Variants in MRPL13 observed in about 807,000 individuals in gnomAD.
MRPL13 encodes the protein large ribosomal subunit protein uL13m.
MRPL13 carries 33 observed loss-of-function variants against 29.0 expected under a neutral mutation model. The ratio of observed to expected loss-of-function variants is 1.14; its 90% confidence interval spans 0.86 to 1.52. MRPL13 has a LOEUF of 1.52. MRPL13 is among the 40% of genes most tolerant of loss of function. MRPL13 has a pLI of 0.00. For missense variants in MRPL13, 227 were observed against 216.7 expected, an observed-to-expected ratio of 1.05 and a Z score of -0.30; for synonymous variants, 77 against 68.4, an observed-to-expected ratio of 1.13 and a Z score of -0.62.
intron 2 of MRPL13, among the ~76,000 whole-genome samples, chr8:120,435,108 TC>T (rs1369451751): frequency 6.6e-6 from 1 of 152,146 alleles, no homozygotes; most frequent in Non-Finnish European, 1.5e-5. Context: ...ATAATCCTTT[TC>T]CATTGATGAA....
rs1411063403 is a variant in MRPL13, at chr8:120,419,837, T to C, written c.393+15A>G. On this transcript the variant is annotated intron_variant, in intron 5 of 6. Transcript: ENST00000306185. ...AATTTTGGAAAAGCATTGTTACCAATGACCACTGACTTACCTCATCTGGAA... is the reference window on the plus strand; with the variant it reads ...AATTTTGGAAAAGCATTGTTACCAACGACCACTGACTTACCTCATCTGGAA... 1 of 1,567,928 alleles carries C rather than the reference T, an allele frequency of 6.4e-7. No homozygotes were observed. The highest frequency in any genetic ancestry group is 1.2e-5 in the South Asian group (1 of 81,632).
intron 3 of MRPL13, among the ~76,000 whole-genome samples, chr8:120,430,360 G>C (rs1197418042): frequency 6.6e-6 from 1 of 152,156 alleles, no homozygotes; most frequent in Admixed American, 6.5e-5. Context: ...ATGGGATCAG[G>C]AGTGAATTTT....
rs1812773911 is a variant in MRPL13 at position 120,414,085 on chromosome 8, A to C, written c.421T>G (p.Leu141Val). 6.3e-7 allele frequency: 1 copy of C among 1,589,090 alleles called. No homozygotes were observed. The highest frequency in any genetic ancestry group is 1.2e-5 in the South Asian group (1 of 84,662). The change falls in exon 6 of 7, where the codon TTA (leucine) becomes GTA (valine). Residue 141 changes from leucine to valine, a missense_variant. Physicochemically the swap from Leu to Val is conservative, Grantham distance 32. Coordinates refer to ENST00000306185, the MANE Select transcript of MRPL13 (RefSeq NM_014078.6). Reference sequence around the variant, plus strand: ...CGTGGTTGAGGAAGCTCCTCTACTAAATTCTTAAGAATATCTTCTGGAATA... The same window carrying C: ...CGTGGTTGAGGAAGCTCCTCTACTACATTCTTAAGAATATCTTCTGGAATA... ...EYIPEDILKN[L>V]VEELPQPRKI...
Position 120,396,114 on chromosome 8 carries a change from T to C in MRPL13, c.527A>G (p.Tyr176Cys), listed in dbSNP as rs771785157. The change falls in exon 7 of 7, where the codon TAT becomes TGT. Residue 176 changes from tyrosine to cysteine, a missense_variant. Physicochemically the swap from Tyr to Cys is radical, Grantham distance 194. Coordinates refer to ENST00000306185, the MANE Select transcript of MRPL13 (RefSeq NM_014078.6). ...GCAATTCTTATTCTCTTATAGCCGA[T>C]AATCTTCAGGTCTGAAAGAAAAAAT... ...FPRLWTPPEDYRL is the reference protein window; with the variant it reads ...FPRLWTPPEDCRL 2 of 1,587,610 alleles carry C rather than the reference T, an allele frequency of 1.3e-6. No individual in the cohort carries two copies. Among genetic ancestry groups the C allele is most frequent in the Non-Finnish European group, 8.6e-7 (1 of 1,162,406 alleles).
At chr8:120,400,372 G>C (rs1586916391) in intron 6 of MRPL13, among the ~76,000 whole-genome samples, 1 of 152,270 alleles carries the variant, frequency 6.6e-6, no homozygotes, top group East Asian at 1.9e-4. Context: ...GCTCCTGAAT[G>C]ACTCCTGGGT....
chr8:120,421,777 G>T (rs1812877211), intron 4 of MRPL13, among the ~76,000 whole-genome samples: 1 of 151,574 alleles, frequency 6.6e-6, no homozygotes, highest in Non-Finnish European at 1.5e-5. Context: ...AGTTACCTAA[G>T]ACCAAATTTT....
intron 2 of MRPL13, among the ~76,000 whole-genome samples, chr8:120,434,840 T>G (rs534774639): frequency 6.6e-6 from 1 of 152,138 alleles, no homozygotes; most frequent in Non-Finnish European, 1.5e-5. Context: ...GCAAAACTAT[T>G]TGCAGTTTTT....
intron 6 of MRPL13, among the ~76,000 whole-genome samples, chr8:120,402,670 C>CGCAAAATAAAGAGA (rs1812612445): frequency 6.6e-6 from 1 of 152,092 alleles, no homozygotes; most frequent in Non-Finnish European, 1.5e-5. Context: ...AACTAAAGAG[C>CGCAAAATAAAGAGA]GTCTGTACAG....
At chr8:120,425,577 T>A (rs1563775131) in intron 3 of MRPL13, among the ~76,000 whole-genome samples, 2 of 152,208 alleles carry the variant, frequency 1.3e-5, no homozygotes, top group South Asian at 4.1e-4. Flanking sequence ...GTTCTACTTC[T>A]TGGAAAAATT....
chr8:120,430,216 C>G (rs527898930), intron 3 of MRPL13, among the ~76,000 whole-genome samples: 5 of 152,140 alleles, frequency 3.3e-5, no homozygotes, highest in Middle Eastern at 3.4e-3. Context: ...GAGCCAAGAT[C>G]GTACCACTGC....
chr8:120,439,752 TA>T (rs1013737421), intron 2 of MRPL13, among the ~76,000 whole-genome samples: 73 of 152,334 alleles, frequency 4.8e-4, no homozygotes, highest in African/African-American at 1.6e-3. Flanking sequence ...AGTATGGGTT[TA>T]TTTTGATATC....
chr8:120,406,231 T>C (rs1347975238), intron 6 of MRPL13, among the ~76,000 whole-genome samples: 2 of 152,214 alleles, frequency 1.3e-5, no homozygotes, highest in Non-Finnish European at 2.9e-5. Context: ...TTACCATGAT[T>C]GTTCTTTAGA....
intron 6 of MRPL13, among the ~76,000 whole-genome samples, chr8:120,413,193 A>G (rs2130461166): frequency 6.6e-6 from 1 of 152,348 alleles, no homozygotes; most frequent in Non-Finnish European, 1.5e-5. Context: ...AGCTGATAAA[A>G]GTCTTAATTA....
intron 6 of MRPL13, among the ~76,000 whole-genome samples, chr8:120,400,812 T>C (rs903428291): frequency 6.6e-6 from 1 of 151,690 alleles, no homozygotes; most frequent in African/African-American, 2.4e-5. Flanking sequence ...TCAGAAATGA[T>C]AAGGGGGTAT....
At position 120,432,180 on chromosome 8, in the gene MRPL13, T is replaced by A. The variant is rs767044964; in HGVS notation, c.152-57A>T. ...GAAAAATAAAAACCTTAAGAAAAAG[T>A]GGCCTTGGTTATTTATAAAGCTTAT... On this transcript the variant is annotated intron_variant, in intron 2 of 6. Transcript: ENST00000306185. The A allele has an allele frequency of 2.5e-4, 332 of 1,354,474 alleles. 1 individual carries two copies. Among genetic ancestry groups the A allele is most frequent in the Non-Finnish European group, 3.1e-4 (305 of 995,754 alleles). 83.9% of individuals were successfully genotyped at this position (1,354,474 alleles called of 1,614,324 possible).
At chr8:120,408,513 G>A (rs1413525166) in intron 6 of MRPL13, among the ~76,000 whole-genome samples, 2 of 152,162 alleles carry the variant, frequency 1.3e-5, no homozygotes, top group Non-Finnish European at 2.9e-5. Flanking sequence ...ATGCTGAACT[G>A]GTTGAAATAG....
chr8:120,437,778 A>G (rs1033297788), intron 2 of MRPL13, among the ~76,000 whole-genome samples: 2 of 152,188 alleles, frequency 1.3e-5, no homozygotes, highest in African/African-American at 4.8e-5. Flanking sequence ...TATTGTATAC[A>G]TTATGTTCAG....
At chr8:120,444,330 C>A (rs1020528880) in intron 1 of MRPL13, among the ~76,000 whole-genome samples, 2 of 152,132 alleles carry the variant, frequency 1.3e-5, no homozygotes, top group African/African-American at 4.8e-5. Context: ...ACCGATATAA[C>A]CCAAACTAAC....
chr8:120,437,445 T>C (rs1272695289), intron 2 of MRPL13, among the ~76,000 whole-genome samples: 1 of 152,228 alleles, frequency 6.6e-6, no homozygotes, highest in Non-Finnish European at 1.5e-5. Context: ...CTCTGCTTCC[T>C]TTAAATACTC....
Sources: gnomAD v4.1 joint callset for allele counts (sites outside exome capture counted in the v4.1 genomes callset) on GRCh38, gnomAD v4.1.1 for gene constraint, MANE v1.5 for transcripts, NCBI Gene and HGNC (gene_info 2026-07-23, HGNC 2026-07-21) for gene names.